Variants in OBSL1 observed in about 807,000 individuals in gnomAD.
OBSL1 encodes the protein obscurin like cytoskeletal adaptor 1, also known as obscurin-like protein 1.
Under a neutral mutation model 172.0 loss-of-function variants are expected in OBSL1, and 160 were observed. The ratio of observed to expected loss-of-function variants is 0.93; its 90% CI spans 0.82 to 1.06. OBSL1 has a LOEUF of 1.06. Among genes scored for constraint, OBSL1 ranks in the 50% least tolerant of loss-of-function variants. The pLI, the probability that OBSL1 is intolerant of heterozygous loss-of-function variation, is 0.00. For missense variants in OBSL1, 2,681 were observed against 2,715.4 expected (o/e 0.99, Z 0.28); for synonymous variants, 1,200 against 1,196.3 (o/e 1.00, Z -0.06).
chr2:219,565,581 A>G, intron 5 of OBSL1, 67 bp from the exon 6 acceptor site: 2 of 1,497,316 alleles, frequency 1.3e-6, no homozygotes, highest in African/African-American at 1.4e-5. Flanking sequence ...CGGATGCATC[A>G]GAGGGAACAA....
At position 219,571,120 on chromosome 2, in the gene OBSL1, TC is replaced by T. The variant is rs1319580577; in HGVS notation, c.112del (p.Glu38SerfsTer5). The T allele has an allele frequency of 6.8e-6, 10 of 1,471,612 alleles. No individual in the cohort carries two copies. The highest frequency in any genetic ancestry group is 2.9e-5 in the East Asian group (1 of 34,650). 91.2% of individuals were successfully genotyped at this position (1,471,612 alleles called of 1,614,324 possible). A position where few individuals can be genotyped will look rare whatever the true frequency, so the allele number is the denominator to read the frequency against. On this transcript the variant is annotated frameshift_variant, in exon 1 of 21. Transcript: ENST00000404537. LOFTEE classifies it high-confidence loss of function. ...CTCCCACACCACTACAGGCGGCGGC[TC>T]CCCCAGGACCACGCACTTGAGCTCG... ...EAELKCVVLG[E>X]PPPVVVWEKG...
chr2:219,551,813 C>T lies in OBSL1; in HGVS notation c.5414-15G>A. The T allele has an allele frequency of 1.3e-6, 2 of 1,505,286 alleles. No homozygotes were observed. The highest frequency in any genetic ancestry group is 2.3e-5 in the East Asian group (1 of 44,076). The allele number at this position is 1,505,286 out of a possible 1,614,324, so 93.2% of individuals were successfully genotyped here. On this transcript the variant is annotated splice_polypyrimidine_tract_variant and intron_variant, in intron 19 of 20. Coordinates refer to ENST00000404537, the MANE Select transcript of OBSL1 (RefSeq NM_015311.3). ...GAGAGGCAATGCTGGGGGTAGGGGG[C>T]GGGGGCTTAAGTTAATAGGGACACG...
Position 219,558,066 on chromosome 2 carries a change from G to A in OBSL1, c.3547C>T (p.Leu1183Phe), listed in dbSNP as rs763994697. The A allele has an allele frequency of 1.2e-5, 19 of 1,613,738 alleles. 1 individual carries two copies. The South Asian group carries it at 2.1e-4, about 18-fold the overall frequency. ...FLALETTPSP[L>F]CVAPGEPVVL... ...ACTGGCTCCCCAGGGGCCACACAGAGCGGGCTTGGAGTTGTCTCTAGAGCA... is the reference window on the plus strand; with the variant it reads ...ACTGGCTCCCCAGGGGCCACACAGAACGGGCTTGGAGTTGTCTCTAGAGCA... The change falls in exon 11 of 21, where the codon CTC becomes TTC. Residue 1183 changes from leucine to phenylalanine, a missense_variant. By Grantham distance (22) the Leu-to-Phe change is conservative (BLOSUM62 0). Coordinates refer to ENST00000404537, the MANE Select transcript of OBSL1 (RefSeq NM_015311.3).
In OBSL1 at chr2:219,563,460, C is replaced by T. The variant is rs780425068; in HGVS notation, c.2575G>A (p.Gly859Arg). 2 of 1,613,928 alleles carry T rather than the reference C, an allele frequency of 1.2e-6. No individual in the cohort carries two copies. The highest frequency in any genetic ancestry group is 2.2e-5 in the South Asian group (2 of 91,080). The change falls in exon 7 of 21, where the codon GGG becomes AGG. Residue 859 changes from glycine (G) to arginine (R), a missense_variant. Gly to Arg is a moderately radical substitution (Grantham distance 125). Coordinates refer to ENST00000404537, the MANE Select transcript of OBSL1 (RefSeq NM_015311.3). ...GGCAGCACCAGGCGGCGATGGGGCCCCTCATTCTCCAGCACCACGAAGTCA... is the reference window on the plus strand; with the variant it reads ...GGCAGCACCAGGCGGCGATGGGGCCTCTCATTCTCCAGCACCACGAAGTCA... ...ESDFVVLENE[G>R]PHRRLVLPAT...
intron 8 of OBSL1, among the ~76,000 whole-genome samples, chr2:219,559,796 T>TA (rs1696328948): frequency 6.6e-6 from 1 of 152,104 alleles, no homozygotes. Flanking sequence ...GTATAACACA[T>TA]ACTACATTCA....
chr2:219,554,557 A>G lies in OBSL1; in HGVS notation c.4793T>C (p.Leu1598Pro). The G allele has an allele frequency of 6.2e-7, 1 of 1,613,512 alleles. No individual in the cohort carries two copies. Among genetic ancestry groups the G allele is most frequent in the African/African-American group, 1.3e-5 (1 of 75,048 alleles). Residue 1598 changes from leucine to proline, a missense_variant, in exon 15 of 21, where the codon CTC becomes CCC. Leu to Pro is a moderately conservative substitution (Grantham distance 98). Coordinates refer to ENST00000404537, the MANE Select transcript of OBSL1 (RefSeq NM_015311.3). ...TGAGTCGGCCAGGCCCAGGCCATTGAGTACCAGTCGGTGACGGTGGCCGTC... is the reference window on the plus strand; with the variant it reads ...TGAGTCGGCCAGGCCCAGGCCATTGGGTACCAGTCGGTGACGGTGGCCGTC... The part of the protein sequence containing the change: ...HSDGHRHRLV[L>P]NGLGLADSGC...
At chr2:219,569,619 G>T (rs748681554) in intron 1 of OBSL1, among the ~76,000 whole-genome samples, 1 of 152,166 alleles carries the variant, frequency 6.6e-6, no homozygotes, top group Non-Finnish European at 1.5e-5. Context: ...AAACACGCAG[G>T]ACATTTGTCC....
downstream of OBSL1, among the ~76,000 whole-genome samples, chr2:219,549,525 G>T (rs1695491048): frequency 6.6e-6 from 1 of 152,206 alleles, no homozygotes; most frequent in South Asian, 2.1e-4. Context: ...GGTCCAGCTG[G>T]TGGGGGAATT....
intron 18 of OBSL1, 70 bp from the exon 19 acceptor site, chr2:219,552,286 C>CTGCTGGGCCCCCA: frequency 7.1e-7 from 1 of 1,401,290 alleles, no homozygotes; most frequent in Non-Finnish European, 9.8e-7. Context: ...AGGTGGGGGC[C>CTGCTGGGCCCCCA]CAGCAGGCCC....
rs567374638 is a variant in OBSL1, at chr2:219,570,784, C to T, written c.449G>A (p.Arg150Gln). The change falls in exon 1 of 21, where the codon CGG becomes CAG. Residue 150 changes from arginine to glutamine, a missense_variant. Arg to Gln is a conservative substitution (Grantham distance 43). Coordinates refer to ENST00000404537, the MANE Select transcript of OBSL1 (RefSeq NM_015311.3). ...TGTGGGCTCGGGGAGGCCCCCCGCC[C>T]GGCACGTCAGCACCACCTCCGCCCC... is the stretch of plus-strand genomic sequence containing the variant. ...LRGAEVVLTCRAGGLPEPTLY... is the reference protein window; with the variant it reads ...LRGAEVVLTCQAGGLPEPTLY... The T allele has an allele frequency of 2.0e-6, 3 of 1,496,350 alleles. No homozygotes were observed. Among genetic ancestry groups the T allele is most frequent in the African/African-American group, 1.5e-5 (1 of 68,914 alleles). 92.7% of individuals were successfully genotyped at this position (1,496,350 alleles called of 1,614,324 possible). A position where few individuals can be genotyped will look rare whatever the true frequency, so the allele number is the denominator to read the frequency against.
At chr2:219,549,033 G>C, downstream of OBSL1, 1 of 1,080,762 alleles carries the variant, frequency 9.3e-7, no homozygotes, top group Non-Finnish European at 1.4e-6. Flanking sequence ...GTGGGAGTAA[G>C]GGGTTATGGA....
chr2:219,571,183 A>C lies in OBSL1; in HGVS notation c.50T>G (p.Phe17Cys), dbSNP rs2106120113. The C allele has an allele frequency of 6.8e-7, 1 of 1,473,824 alleles. No homozygotes were observed. The highest frequency in any genetic ancestry group is 2.1e-5 in the Admixed American group (1 of 46,676). 91.3% of individuals were successfully genotyped at this position (1,473,824 alleles called of 1,614,324 possible). Residue 17 changes from phenylalanine (F) to cysteine (C), a missense_variant, in exon 1 of 21, where the codon TTC becomes TGC. By Grantham distance (205) the Phe-to-Cys change is radical (BLOSUM62 -2). This residue lies in a region of OBSL1 where 90 missense variants were observed against 76.6 expected (regional missense o/e 1.18). Coordinates refer to ENST00000404537, the MANE Select transcript of OBSL1 (RefSeq NM_015311.3). The part of the protein sequence containing the change: ...DQGSPPCFLR[F>C]PRPVRVVSGA... The stretch of plus-strand genomic sequence containing the variant: ...ACTTACCACCCGCACAGGCCGCGGG[A>C]AGCGCAGGAAGCACGGGGGGCTCCC...
At chr2:219,547,379 C>T (rs2105993918), downstream of OBSL1, 2 of 753,742 alleles carry the variant, frequency 2.7e-6, no homozygotes, top group Non-Finnish European at 3.9e-6. Context: ...CAGTGACCCT[C>T]AATTCTCTGA....
In OBSL1 at chr2:219,551,571, G is replaced by GA; in HGVS notation, c.5640_5641insT (p.Gln1881SerfsTer42). 1 of 1,605,088 alleles carries GA rather than the reference G, an allele frequency of 6.2e-7. No homozygotes were observed. The highest frequency in any genetic ancestry group is 8.5e-7 in the Non-Finnish European group (1 of 1,176,078). Reference sequence around the variant, plus strand: ...GTGTGGGTGCTGTCCTGGCCGGCCTGGCAGCAGTAAGTGCCTTGGTCCTCA... The same window carrying GA: ...GTGTGGGTGCTGTCCTGGCCGGCCTGAGCAGCAGTAAGTGCCTTGGTCCTCA... On this transcript the variant is annotated frameshift_variant, in exon 20 of 21. Transcript: ENST00000404537. LOFTEE classifies it high-confidence loss of function.
Position 219,566,853 on chromosome 2 carries a change from T to A in OBSL1, c.2111A>T (p.Asp704Val). The A allele has an allele frequency of 6.3e-7, 1 of 1,593,548 alleles. No individual in the cohort carries two copies. The highest frequency in any genetic ancestry group is 1.1e-5 in the South Asian group (1 of 89,892). The change falls in exon 5 of 21, where the codon GAC (aspartate) becomes GTC (valine). Residue 704 changes from aspartate to valine, a missense_variant. By Grantham distance (152) the Asp-to-Val change is radical. Transcript: ENST00000404537. ...LVGFSCPGVQ[D>V]SAALTIQESP... ...ACCTTGGATTGTGAGGGCAGCTGAG[T>A]CCTGCACGCCGGGGCAGCTGAAGCC... is the stretch of plus-strand genomic sequence containing the variant.
chr2:219,557,446 C>T lies in OBSL1; in HGVS notation c.3963G>A (p.Gly1321=). 6.5e-7 allele frequency: 1 copy of T among 1,548,886 alleles called. No homozygotes were observed. The highest frequency in any genetic ancestry group is 8.7e-7 in the Non-Finnish European group (1 of 1,147,188). The change falls in exon 12 of 21, where the codon GGG becomes GGA. Residue 1321 remains glycine, a synonymous_variant. Coordinates refer to ENST00000404537, the MANE Select transcript of OBSL1 (RefSeq NM_015311.3). The part of the protein sequence containing the change: ...SQGRVQLEQA[G]ARQVLRVQGA... ...CCTGCACCCGCAGCACCTGCCTGGC[C>T]CCGGCCTGCTCCAGCTGCACCCGCC...
At chr2:219,552,412 G>A in intron 18 of OBSL1, 124 bp downstream of exon 18, 2 of 1,013,996 alleles carry the variant, frequency 2.0e-6, no homozygotes, top group Non-Finnish European at 2.9e-6. Flanking sequence ...ACAGGGACGA[G>A]GCTCACAGGG....
At position 219,566,511 on chromosome 2, in the gene OBSL1, G is replaced by A. The variant is rs184394442; in HGVS notation, c.2134+319C>T. On this transcript the variant is annotated intron_variant, in intron 5 of 20. Coordinates refer to ENST00000404537, the MANE Select transcript of OBSL1 (RefSeq NM_015311.3). ...CAACAATTAGACAACATGGCAGGAGGCAGGCAGGGACTAGCAGCCAGGGTC... is the reference window on the plus strand; with the variant it reads ...CAACAATTAGACAACATGGCAGGAGACAGGCAGGGACTAGCAGCCAGGGTC... 2.7e-3 allele frequency among the ~76,000 whole-genome samples: 409 copies of A among 152,352 alleles called. 1 individual carries two copies. Among genetic ancestry groups the A allele is most frequent in the Middle Eastern group, 0.024 (7 of 294 alleles).
At chr2:219,559,118 G>T (rs1046527534) in intron 9 of OBSL1, 107 bp downstream of exon 9, 19 of 1,110,052 alleles carry the variant, frequency 1.7e-5, no homozygotes, top group South Asian at 3.2e-5. Flanking sequence ...GAGGAAGCTG[G>T]ATAAGGGGAA....
Sources: allele counts gnomAD v4.1 joint callset (sites outside exome capture counted in the v4.1 genomes callset), GRCh38; gene constraint gnomAD v4.1.1; regional missense constraint gnomAD v4.1.1; transcripts MANE v1.5; gene names NCBI Gene and HGNC (gene_info 2026-07-23, HGNC 2026-07-21).